The following DNER variants were observed in gnomAD, a reference collection of about 807,000 sequenced individuals.
The protein encoded by DNER is delta/notch like EGF repeat containing.
A neutral mutation model predicts 78.2 loss-of-function variants in DNER; 33 were observed. The ratio of observed to expected loss-of-function variants is 0.42; its 90% CI spans 0.32 to 0.56. The LOEUF (loss-of-function observed/expected upper bound fraction) is 0.56. Ranked by LOEUF, DNER falls within the 20% of genes least tolerant of loss-of-function variation. The probability of loss-of-function intolerance (pLI) is 0.11; values close to 1 mark genes in which losing one functional copy is unlikely to be tolerated. For missense variants in DNER, 918 were observed against 975.3 expected (o/e 0.94, Z 0.78); for synonymous variants, 417 against 384.8 (o/e 1.08, Z -0.98).
chr2:229,375,201 G>A (rs1692570962), intron 11 of DNER, among the ~76,000 whole-genome samples: 1 of 152,152 alleles, frequency 6.6e-6, no homozygotes, highest in Non-Finnish European at 1.5e-5. Flanking sequence ...GATGCCCAGA[G>A]ACTTTTAGTT....
At chr2:229,707,880 A>G (rs1039525267) in intron 1 of DNER, among the ~76,000 whole-genome samples, 4 of 152,166 alleles carry the variant, frequency 2.6e-5, no homozygotes, top group African/African-American at 9.7e-5. Context: ...AGCACCTTTT[A>G]TCTGGTGTCT....
At chr2:229,684,827 G>A (rs1244456601) in intron 1 of DNER, among the ~76,000 whole-genome samples, 1 of 152,134 alleles carries the variant, frequency 6.6e-6, no homozygotes, top group Non-Finnish European at 1.5e-5. Context: ...ACAGTTTACA[G>A]CAAAAATTAG....
intron 6 of DNER, among the ~76,000 whole-genome samples, chr2:229,512,567 G>T (rs1008074479): frequency 6.6e-6 from 1 of 152,082 alleles, no homozygotes; most frequent in African/African-American, 2.4e-5. Flanking sequence ...GACTCAGGGG[G>T]AAGGGTGACA....
At chr2:229,436,215 T>C (rs962126505) in intron 8 of DNER, among the ~76,000 whole-genome samples, 9 of 152,184 alleles carry the variant, frequency 5.9e-5, no homozygotes, top group African/African-American at 2.2e-4. Context: ...GTTTTCTGTT[T>C]CTGTATTAGT....
At chr2:229,452,183 T>C (rs1694471743) in intron 7 of DNER, among the ~76,000 whole-genome samples, 1 of 152,256 alleles carries the variant, frequency 6.6e-6, no homozygotes, top group East Asian at 1.9e-4. Flanking sequence ...TCAGAAGAGG[T>C]TGAGACCGGA....
chr2:229,442,748 G>A (rs778564362), intron 8 of DNER, among the ~76,000 whole-genome samples: 15 of 151,958 alleles, frequency 9.9e-5, no homozygotes, highest in African/African-American at 3.1e-4. Flanking sequence ...AAATATTATC[G>A]GACTACTGAT....
intron 8 of DNER, among the ~76,000 whole-genome samples, chr2:229,445,894 G>A (rs1212634180): frequency 6.6e-6 from 1 of 152,200 alleles, no homozygotes; most frequent in African/African-American, 2.4e-5. Context: ...GAGGCACTTG[G>A]CAAAATATCA....
At chr2:229,586,596 T>C (rs1433361166) in intron 3 of DNER, 25 of 767,820 alleles carry the variant, frequency 3.3e-5, no homozygotes, top group Non-Finnish European at 3.7e-5. Flanking sequence ...AGAAAGCCCA[T>C]CAACCCCAAC....
At chr2:229,661,596 C>T (rs1699012661) in intron 1 of DNER, among the ~76,000 whole-genome samples, 1 of 152,158 alleles carries the variant, frequency 6.6e-6, no homozygotes, top group South Asian at 2.1e-4. Flanking sequence ...CAAGTTCAAA[C>T]TCATGTTGTT....
At chr2:229,671,586 G>C (rs925594505) in intron 1 of DNER, among the ~76,000 whole-genome samples, 1 of 152,156 alleles carries the variant, frequency 6.6e-6, no homozygotes, top group African/African-American at 2.4e-5. Context: ...TTTGTTCACT[G>C]TCCTATGCCC....
At chr2:229,376,547 T>C (rs1214545482) in intron 11 of DNER, among the ~76,000 whole-genome samples, 2 of 152,224 alleles carry the variant, frequency 1.3e-5, no homozygotes, top group African/African-American at 4.8e-5. Context: ...ATGTATTATC[T>C]ATCAATGGGG....
At chr2:229,401,228 G>A (rs1030981307) in intron 10 of DNER, among the ~76,000 whole-genome samples, 2 of 151,946 alleles carry the variant, frequency 1.3e-5, no homozygotes, top group Admixed American at 6.6e-5. Context: ...TCGTTGGTGG[G>A]GAATATAAAA....
chr2:229,460,480 G>A (rs1694672474), intron 7 of DNER, among the ~76,000 whole-genome samples: 1 of 151,750 alleles, frequency 6.6e-6, no homozygotes, highest in South Asian at 2.1e-4. Flanking sequence ...GAGCTGATTG[G>A]TTTTAAATAC....
rs60036170 is a variant in DNER, at chr2:229,393,846, CAAAACAAAAACAAAAACA to C, written c.1724-5468_1724-5451del. Among the ~76,000 whole-genome samples the C allele has an allele frequency of 1.1e-4, 17 of 151,638 alleles. No individual in the cohort carries two copies. In the South Asian group the frequency reaches 2.1e-3, roughly 19 times the overall value. The stretch of plus-strand genomic sequence containing the variant: ...TGGGCAACAGAGCGAGACTCCGTCT[CAAAACAAAAACAAAAACA>C]AAAACAAAAACAAAAACTAAGCAGA... On this transcript the variant is annotated intron_variant, in intron 10 of 12. Transcript: ENST00000341772.
chr2:229,592,694 A>G (rs536447326), intron 1 of DNER, among the ~76,000 whole-genome samples: 8 of 152,144 alleles, frequency 5.3e-5, no homozygotes, highest in Non-Finnish European at 1.2e-4. Context: ...ACGCTACAAA[A>G]CAATGTGAAA....
chr2:229,526,715 C>T (rs1033016115), intron 5 of DNER, among the ~76,000 whole-genome samples: 12 of 152,234 alleles, frequency 7.9e-5, no homozygotes, highest in African/African-American at 2.9e-4. Flanking sequence ...TCGCCACTGA[C>T]TTTCTGCTAT....
intron 7 of DNER, among the ~76,000 whole-genome samples, chr2:229,458,511 AAGTC>A (rs1422819455): frequency 6.6e-6 from 1 of 152,028 alleles, no homozygotes. Flanking sequence ...CACATGAAAT[AAGTC>A]ATTTTAATAG....
intron 11 of DNER, among the ~76,000 whole-genome samples, chr2:229,384,772 G>T (rs1384673259): frequency 6.6e-6 from 1 of 152,034 alleles, no homozygotes; most frequent in African/African-American, 2.4e-5. Flanking sequence ...GTAATTAATA[G>T]CCTACAAACC....
chr2:229,434,923 TATAC>T (rs56893582), intron 8 of DNER, among the ~76,000 whole-genome samples: 33,429 of 108,548 alleles, frequency 0.31, 3,841 homozygotes, highest in East Asian at 0.53. Context: ...TATATATATA[TATAC>T]ACACACACAC....
Sources: allele counts gnomAD v4.1 joint callset (sites outside exome capture counted in the v4.1 genomes callset), GRCh38; gene constraint gnomAD v4.1.1; transcripts MANE v1.5; gene names NCBI Gene and HGNC (gene_info 2026-07-23, HGNC 2026-07-21).